The following AFG3L2 variants were observed in gnomAD, a reference collection of about 807,000 sequenced individuals.
The protein encoded by AFG3L2 is AFG3 like matrix AAA peptidase subunit 2, also known as mitochondrial inner membrane m-AAA protease component AFG3L2.
In AFG3L2, 54 loss-of-function variants were observed where a neutral mutation model predicts 94.5. That is an observed-to-expected ratio of 0.57 (90% CI 0.46 to 0.72). The LOEUF is 0.72. Ranked by LOEUF, AFG3L2 falls within the 30% of genes least tolerant of loss-of-function variation. AFG3L2 has a pLI of 0.00. For synonymous variants in AFG3L2, 377 were observed against 365.5 expected (o/e 1.03, Z -0.36); for missense variants, 754 against 994.9 (o/e 0.76, Z 3.26).
intron 5 of AFG3L2, among the ~76,000 whole-genome samples, chr18:12,366,127 C>A (rs1034696327): frequency 1.3e-5 from 2 of 152,106 alleles, no homozygotes; most frequent in African/African-American, 4.8e-5. Flanking sequence ...TCACCCGCCT[C>A]GGCCTCCCAA....
At chr18:12,359,051 T>A in intron 7 of AFG3L2, 108 bp from the exon 8 acceptor site, 1 of 1,465,358 alleles carries the variant, frequency 6.8e-7, no homozygotes, top group Non-Finnish European at 9.3e-7. Context: ...AAGGTATACC[T>A]TCTGCACTTA....
intron 14 of AFG3L2, 53 bp downstream of exon 14, chr18:12,344,079 C>T (rs760805375): frequency 1.7e-5 from 25 of 1,451,192 alleles, no homozygotes; most frequent in Admixed American, 5.0e-5. Context: ...GTGACTGCAG[C>T]GAGCATCTGC....
chr18:12,351,364 T>C lies in AFG3L2; in HGVS notation c.1368A>G (p.Pro456=), dbSNP rs1175612703. 6.2e-7 allele frequency: 1 copy of C among 1,614,208 alleles called. No homozygotes were observed. Among genetic ancestry groups the C allele is most frequent in the South Asian group, 1.1e-5 (1 of 91,086 alleles). ...NVVILAGTNR[P]DILDPALLRP... is the part of the protein sequence containing the mutation. ...TAAGCAGCGCGGGGTCCAGGATATC[T>C]GGTCGATTGGTGCCGGCCAAAATGA... The change falls in exon 11 of 17, where the codon CCA becomes CCG. Residue 456 remains proline, a synonymous_variant. Transcript: ENST00000269143.
chr18:12,374,909 A>G (rs1020148978), intron 1 of AFG3L2, among the ~76,000 whole-genome samples: 16 of 152,104 alleles, frequency 1.1e-4, no homozygotes, highest in African/African-American at 3.9e-4. Flanking sequence ...TACAAAATTT[A>G]GCCAGGCGTA....
chr18:12,332,932 C>CTATATAATATATAATATATGTTA (rs1282089860), intron 16 of AFG3L2, among the ~76,000 whole-genome samples: 1 of 113,046 alleles, frequency 8.8e-6, no homozygotes, highest in Non-Finnish European at 1.7e-5. Context: ...ATAACATATA[C>CTATATAATATATAATATATGTTA]TATATAACAT....
At chr18:12,337,714 A>G (rs149743888) in intron 15 of AFG3L2, among the ~76,000 whole-genome samples, 179 bp from the exon 16 acceptor site, 6 of 152,356 alleles carry the variant, frequency 3.9e-5, no homozygotes, top group African/African-American at 1.4e-4. Flanking sequence ...AAGCCCAGGC[A>G]TAACACCTAC....
intron 14 of AFG3L2, chr18:12,341,854 C>T (rs978444682): frequency 3.3e-5 from 5 of 152,086 alleles, no homozygotes; most frequent in African/African-American, 1.2e-4. Flanking sequence ...TTTACATTCC[C>T]TATTTTTGTT....
At chr18:12,375,924 T>C (rs899504726) in intron 1 of AFG3L2, among the ~76,000 whole-genome samples, 2 of 152,234 alleles carry the variant, frequency 1.3e-5, no homozygotes, top group South Asian at 4.1e-4. Flanking sequence ...GGGGCTGCAG[T>C]GAGCTGTGTT....
intron 16 of AFG3L2, among the ~76,000 whole-genome samples, chr18:12,336,157 C>G (rs1907735457): frequency 6.6e-6 from 1 of 152,136 alleles, no homozygotes; most frequent in African/African-American, 2.4e-5. Flanking sequence ...GAAAGGCCAC[C>G]AAATTAGGAG....
At chr18:12,361,418 G>A (rs1908657376) in intron 6 of AFG3L2, among the ~76,000 whole-genome samples, 1 of 152,112 alleles carries the variant, frequency 6.6e-6, no homozygotes, top group Non-Finnish European at 1.5e-5. Flanking sequence ...GGAGGCCAAG[G>A]CGGGTGGATC....
Position 12,338,997 on chromosome 18 carries a change from G to C in AFG3L2, c.1980+1204C>G, listed in dbSNP as rs143252987. On this transcript the variant is annotated intron_variant, in intron 15 of 16. Transcript: ENST00000269143. ...GGGCCGGGCACGGTGGCTCACGCCT[G>C]TAATCCCAGCACTTTGGCAGGCCAA... is the stretch of plus-strand genomic sequence containing the variant. Among the ~76,000 whole-genome samples, 1,344 of 152,256 alleles carry C rather than the reference G, an allele frequency of 8.8e-3. 40 individuals are homozygous for C. The highest frequency in any genetic ancestry group is 0.062 in the Admixed American group (946 of 15,292).
Position 12,356,788 on chromosome 18 carries a change from A to T in AFG3L2, c.1070T>A (p.Leu357Gln). ...GGCTTCTCCGGCTGTGGCCTTAGCTAGCAGCGTCTTCCCAGTGCCTGGAGG... is the reference window on the plus strand; with the variant it reads ...GGCTTCTCCGGCTGTGGCCTTAGCTTGCAGCGTCTTCCCAGTGCCTGGAGG... ...TGPPGTGKTL[L>Q]AKATAGEANV... is the part of the protein sequence containing the mutation. The change falls in exon 9 of 17, where the codon CTA (leucine) becomes CAA (glutamine). Residue 357 changes from leucine to glutamine, a missense_variant. By Grantham distance (113) the Leu-to-Gln change is moderately radical. Coordinates refer to ENST00000269143, the MANE Select transcript of AFG3L2 (RefSeq NM_006796.3). 1 of 1,614,216 alleles carries T rather than the reference A, an allele frequency of 6.2e-7. No individual in the cohort carries two copies. Among genetic ancestry groups the T allele is most frequent in the Non-Finnish European group, 8.5e-7 (1 of 1,180,038 alleles).
chr18:12,341,828 A>C (rs1907962225), intron 14 of AFG3L2: 2 of 152,246 alleles, frequency 1.3e-5, no homozygotes, highest in Admixed American at 1.3e-4. Flanking sequence ...ACTGTTTTCC[A>C]AAACAATGGT....
intron 6 of AFG3L2, among the ~76,000 whole-genome samples, chr18:12,361,609 T>C (rs1267902676): frequency 6.6e-6 from 1 of 152,202 alleles, no homozygotes; most frequent in Non-Finnish European, 1.5e-5. Context: ...ATCGCGCCAC[T>C]GCACTCCAGC....
intron 14 of AFG3L2, chr18:12,342,805 C>T (rs1907996601): frequency 6.6e-6 from 1 of 152,166 alleles, no homozygotes; most frequent in Admixed American, 6.5e-5. Flanking sequence ...TATCCTGGTA[C>T]CTCTGTGAAC....
chr18:12,374,033 G>A (rs541664214), intron 1 of AFG3L2, among the ~76,000 whole-genome samples: 231 of 152,164 alleles, frequency 1.5e-3, no homozygotes, highest in Non-Finnish European at 2.9e-3. Flanking sequence ...GTTTAGTACA[G>A]AACAGGGCAC....
At chr18:12,329,872 C>A in intron 16 of AFG3L2, 89 bp from the exon 17 acceptor site, 1 of 1,157,488 alleles carries the variant, frequency 8.6e-7, no homozygotes, top group Non-Finnish European at 1.3e-6. Flanking sequence ...GACCCCATTC[C>A]AAAAAAGGAT....
chr18:12,377,041 GCAGCCGCCCCGGCCCCA>G lies in AFG3L2; in HGVS notation c.25_41del (p.Trp9LeufsTer60). The G allele has an allele frequency of 2.1e-6, 3 of 1,438,488 alleles. No individual in the cohort carries two copies. The highest frequency in any genetic ancestry group is 1.4e-5 in the South Asian group (1 of 73,296). The allele number at this position is 1,438,488 out of a possible 1,614,324, so 89.1% of individuals were successfully genotyped here. On this transcript the variant is annotated frameshift_variant, in exon 1 of 17. Coordinates refer to ENST00000269143, the MANE Select transcript of AFG3L2 (RefSeq NM_006796.3). LOFTEE classifies it high-confidence loss of function. ...GGAGCTGCTGTAGGCCGCGGGGCCA[GCAGCCGCCCCGGCCCCA>G]CAGCCGCAAACAGCGGTGCGCCATG...
At chr18:12,360,525 C>T (rs1568143115) in intron 6 of AFG3L2, among the ~76,000 whole-genome samples, 1 of 152,110 alleles carries the variant, frequency 6.6e-6, no homozygotes, top group African/African-American at 2.4e-5. Flanking sequence ...GAGGACCATC[C>T]TAAGAAGCAG....
Sources: allele counts gnomAD v4.1 joint callset (sites outside exome capture counted in the v4.1 genomes callset), GRCh38; gene constraint gnomAD v4.1.1; transcripts MANE v1.5; gene names NCBI Gene and HGNC (gene_info 2026-07-23, HGNC 2026-07-21).